Variants in SASH1 observed in about 807,000 individuals in gnomAD.
The protein encoded by SASH1 is SAM and SH3 domain containing 1.
In SASH1, 44 loss-of-function variants were observed where a neutral mutation model predicts 125.2. The observed-to-expected ratio is 0.35, with a 90% CI of 0.28 to 0.45. SASH1 has a LOEUF of 0.45. SASH1 is among the 20% of genes least tolerant of loss of function. The pLI is 1.00. For synonymous variants in SASH1, 639 were observed against 649.1 expected (o/e 0.98, Z 0.24); for missense variants, 1,426 against 1,614.5 (o/e 0.88, Z 2.00).
At position 148,544,443 on chromosome 6, in the gene SASH1, G is replaced by T. The variant is rs937657611; in HGVS notation, c.2973G>T (p.Lys991Asn). 2 of 1,614,192 alleles carry T rather than the reference G, an allele frequency of 1.2e-6. No homozygotes were observed. The highest frequency in any genetic ancestry group is 1.7e-6 in the Non-Finnish European group (2 of 1,180,032). ...AGCCTCCACCTGTTCCTGCCAAAAA[G>T]AGCAGAGAACGCCTTGCTAACGGAC... ...PSQPPPVPAKKSRERLANGLH... is the reference protein window; with the variant it reads ...PSQPPPVPAKNSRERLANGLH... The change falls in exon 18 of 20, where the codon AAG becomes AAT. Residue 991 changes from lysine to asparagine, a missense_variant. Transcript: ENST00000367467. This position sits in a 1 kb window ranked among gnomAD's most constrained non-coding sequence, Gnocchi z 6.4.
intron 1 of SASH1, among the ~76,000 whole-genome samples, chr6:148,324,625 A>ATTC (rs1329823575): frequency 1.3e-5 from 2 of 152,292 alleles, no homozygotes; most frequent in East Asian, 3.9e-4. Flanking sequence ...AAAAAAGTAG[A>ATTC]TTCTTTAGTG....
At chr6:148,232,990 C>T in the SASH1 span, among the ~76,000 whole-genome samples, 10 of 152,010 alleles carry the variant, frequency 6.6e-5, no homozygotes, top group East Asian at 5.8e-4. Context: ...CCAAGGTGGG[C>T]GGATCACCTG....
At chr6:148,403,870 A>T (rs539972629) in intron 2 of SASH1, among the ~76,000 whole-genome samples, 52 of 152,220 alleles carry the variant, frequency 3.4e-4, no homozygotes, top group Admixed American at 2.8e-3. Flanking sequence ...TTTAATTGGG[A>T]TATGATTCAT....
chr6:148,253,826 C>T, the SASH1 span, among the ~76,000 whole-genome samples: 11 of 151,940 alleles, frequency 7.2e-5, no homozygotes, highest in African/African-American at 1.7e-4. Context: ...GAACTGAGAT[C>T]GCACCACTGC....
At position 148,496,002 on chromosome 6, in the gene SASH1, ATT is replaced by A. The variant is rs552373682; in HGVS notation, c.729+8302_729+8303del. The stretch of plus-strand genomic sequence containing the variant: ...AGGCGCACGCCATCACGCCTGGCTA[ATT>A]TTTTTTTTTTTTTTGTATTTTTTAG... On this transcript the variant is annotated intron_variant, in intron 8 of 19. Transcript: ENST00000367467. Among the ~76,000 whole-genome samples the A allele has an allele frequency of 9.6e-4, 137 of 142,426 alleles. 1 individual carries two copies. The highest frequency in any genetic ancestry group is 8.9e-3 in the East Asian group (43 of 4,850). The allele number at this position is 142,426 out of a possible 152,430, so 93.4% of individuals were successfully genotyped here.
At chr6:148,429,912 A>G (rs1020845709) in intron 2 of SASH1, among the ~76,000 whole-genome samples, 2 of 152,206 alleles carry the variant, frequency 1.3e-5, no homozygotes, top group South Asian at 4.1e-4. Context: ...GTGGTGGCAT[A>G]CAATGAATTT....
At chr6:148,418,142 T>G (rs1042417596) in intron 2 of SASH1, among the ~76,000 whole-genome samples, 1 of 152,234 alleles carries the variant, frequency 6.6e-6, no homozygotes, top group African/African-American at 2.4e-5. Flanking sequence ...ACATTGTTCT[T>G]TCTATAGTTA....
At chr6:148,413,371 G>T (rs1462576890) in intron 2 of SASH1, among the ~76,000 whole-genome samples, 1 of 152,106 alleles carries the variant, frequency 6.6e-6, no homozygotes, top group African/African-American at 2.4e-5. Context: ...GAAATATTTT[G>T]TTGGAGGAAT....
intron 1 of SASH1, among the ~76,000 whole-genome samples, chr6:148,279,835 A>G (rs1469110297): frequency 6.6e-6 from 1 of 151,866 alleles, no homozygotes; most frequent in Non-Finnish European, 1.5e-5. Flanking sequence ...AAAAAGACAA[A>G]AATTAGCTGG....
At chr6:148,486,452 T>C (rs932492606) in intron 7 of SASH1, among the ~76,000 whole-genome samples, 3 of 152,134 alleles carry the variant, frequency 2.0e-5, no homozygotes, top group African/African-American at 7.2e-5. Flanking sequence ...TTTCTGTGTT[T>C]TTCAAAAACT....
intron 2 of SASH1, among the ~76,000 whole-genome samples, chr6:148,408,059 C>G (rs558465023): frequency 2.5e-4 from 38 of 151,706 alleles, no homozygotes; most frequent in Admixed American, 1.2e-3. Context: ...TTGATAATAA[C>G]TATCCTAATG....
chr6:148,442,253 C>CA (rs1213141672), intron 4 of SASH1, among the ~76,000 whole-genome samples: 5 of 151,660 alleles, frequency 3.3e-5, no homozygotes, highest in African/African-American at 7.3e-5. Context: ...CCAGCCCCCC[C>CA]AAAATTAGCC....
chr6:148,335,073 G>A (rs1429796672), intron 1 of SASH1, among the ~76,000 whole-genome samples: 4 of 151,740 alleles, frequency 2.6e-5, no homozygotes, highest in Admixed American at 2.0e-4. Context: ...CGAGGCAGGT[G>A]GATCACCTGA....
In SASH1 at chr6:148,326,369, T is replaced by TAC. The variant is rs1161205510; in HGVS notation, n.74+53993_74+53994insCA. ...ATATATATATATATGCATATATATA[T>TAC]ATATACATTCTTTTCTTTTCTTTTC... On this transcript the variant is annotated intron_variant and non_coding_transcript_variant, in intron 1 of 3. Transcript: ENST00000367469. Among the ~76,000 whole-genome samples the TAC allele has an allele frequency of 3.5e-3, 198 of 57,014 alleles. 4 individuals are homozygous for TAC. The highest frequency in any genetic ancestry group is 6.7e-3 in the South Asian group (9 of 1,346). The allele number at this position is 57,014 out of a possible 152,430, so 37.4% of individuals were successfully genotyped here.
chr6:148,450,676 C>T (rs377223102), intron 4 of SASH1, among the ~76,000 whole-genome samples: 18 of 141,738 alleles, frequency 1.3e-4, no homozygotes, highest in African/African-American at 4.4e-4. Context: ...GTGTGAATCT[C>T]TTATTATATG....
At chr6:148,454,515 G>T (rs1350599271) in intron 4 of SASH1, among the ~76,000 whole-genome samples, 1 of 152,160 alleles carries the variant, frequency 6.6e-6, no homozygotes, top group Non-Finnish European at 1.5e-5. Context: ...CTGACTGGGG[G>T]TTCTCTTAGG....
chr6:148,338,783 T>A (rs1010922429), upstream of SASH1, among the ~76,000 whole-genome samples: 2 of 151,678 alleles, frequency 1.3e-5, no homozygotes, highest in Non-Finnish European at 2.9e-5. Context: ...GGCAGGTGGA[T>A]CACCTGAGGT....
chr6:148,530,955 T>C (rs1025585069), intron 12 of SASH1, among the ~76,000 whole-genome samples: 4 of 152,192 alleles, frequency 2.6e-5, no homozygotes, highest in Admixed American at 6.5e-5. Flanking sequence ...ATATGGAAAT[T>C]TTATGGTAGA....
chr6:148,277,363 A>G (rs764234965), intron 1 of SASH1, among the ~76,000 whole-genome samples: 2 of 152,230 alleles, frequency 1.3e-5, no homozygotes, highest in Non-Finnish European at 2.9e-5. Flanking sequence ...GAATGGTAGA[A>G]TTGCATGGCA....
Sources: gnomAD v4.1 joint callset for allele counts (sites outside exome capture counted in the v4.1 genomes callset) on GRCh38, gnomAD v4.1.1 for gene constraint, Gnocchi (gnomAD v3.1) non-coding constraint, MANE v1.5 for transcripts, NCBI Gene and HGNC (gene_info 2026-07-23, HGNC 2026-07-21) for gene names.